DOCK8: variants seen among roughly 807,000 people sequenced by gnomAD.
The protein encoded by DOCK8 is dedicator of cytokinesis 8, also known as dedicator of cytokinesis protein 8.
Under a neutral mutation model 245.6 loss-of-function variants are expected in DOCK8, and 141 were observed. The ratio of observed to expected loss-of-function variants is 0.57; its 90% confidence interval spans 0.50 to 0.66. The LOEUF (loss-of-function observed/expected upper bound fraction) is 0.66. Ranked by LOEUF, DOCK8 falls within the 30% of genes least tolerant of loss-of-function variation. The pLI is 0.00. For missense variants in DOCK8, 2,965 were observed against 2,603.4 expected (o/e 1.14, Z -3.02); for synonymous variants, 1,168 against 970.2 (o/e 1.20, Z -3.79).
At chr9:257,423 A>G (rs1482730930) in intron 1 of DOCK8, among the ~76,000 whole-genome samples, 1 of 152,168 alleles carries the variant, frequency 6.6e-6, no homozygotes, top group Non-Finnish European at 1.5e-5. Flanking sequence ...TAGAGCTGGA[A>G]TTTTTCTGCC....
At chr9:316,979 T>G in intron 6 of DOCK8, 64 bp from the exon 7 acceptor site, 3 of 1,323,524 alleles carry the variant, frequency 2.3e-6, no homozygotes, top group Middle Eastern at 1.8e-4. Flanking sequence ...TTCCCTGGGT[T>G]AACTCTAATT....
chr9:432,347 T>A (rs781605766), intron 37 of DOCK8, 23 bp downstream of exon 37: 1 of 1,613,502 alleles, frequency 6.2e-7, no homozygotes, highest in Admixed American at 1.7e-5. Flanking sequence ...ACATACCTTG[T>A]CTCATGCATG....
At chr9:365,815 C>T (rs768019716) in intron 14 of DOCK8, 48 of 370,380 alleles carry the variant, frequency 1.3e-4, no homozygotes, top group Non-Finnish European at 2.4e-4. Flanking sequence ...TGGAGATGAA[C>T]AGAAGTGAAC....
intron 1 of DOCK8, among the ~76,000 whole-genome samples, chr9:258,352 T>TCCC (rs72543673): frequency 3.3e-5 from 5 of 152,016 alleles, no homozygotes; most frequent in Admixed American, 3.3e-4. Flanking sequence ...GCATGTGGCC[T>TCCC]CTAAATTGGC....
intron 33 of DOCK8, 50 bp from the exon 34 acceptor site, chr9:426,835 C>T: frequency 1.3e-6 from 2 of 1,495,740 alleles, no homozygotes; most frequent in South Asian, 1.1e-5. Context: ...ATCATGGGAA[C>T]CTGGCCAGGT....
At chr9:451,926 TG>T in intron 45 of DOCK8, 84 bp from the exon 46 acceptor site, 1 of 264,368 alleles carries the variant, frequency 3.8e-6, no homozygotes, top group Non-Finnish European at 6.6e-6. Flanking sequence ...TACATATATA[TG>T]TATGTGTATA....
chr9:452,892 T>C (rs953646450), intron 46 of DOCK8: 7 of 152,194 alleles, frequency 4.6e-5, no homozygotes, highest in African/African-American at 1.2e-4. Flanking sequence ...CAGACAGATA[T>C]ATTGGGTCTC....
At chr9:372,073 T>C (rs756719836) in intron 17 of DOCK8, 112 bp from the exon 18 acceptor site, 2 of 919,178 alleles carry the variant, frequency 2.2e-6, no homozygotes, top group Non-Finnish European at 3.4e-6. Context: ...AAAAGAGTAC[T>C]GGTCAATATC....
At chr9:264,898 T>A (rs1348765670) in intron 1 of DOCK8, among the ~76,000 whole-genome samples, 1 of 152,214 alleles carries the variant, frequency 6.6e-6, no homozygotes, top group Non-Finnish European at 1.5e-5. Context: ...AGTCAGTTTT[T>A]CTACATGCAA....
intron 1 of DOCK8, among the ~76,000 whole-genome samples, chr9:263,472 CATT>C (rs1291705536): frequency 1.3e-5 from 2 of 152,108 alleles, no homozygotes; most frequent in African/African-American, 4.8e-5. Context: ...TTAAACTTCA[CATT>C]ATTATCATTA....
chr9:296,620 C>G (rs994239752), intron 4 of DOCK8, among the ~76,000 whole-genome samples: 1 of 152,218 alleles, frequency 6.6e-6, no homozygotes, highest in African/African-American at 2.4e-5. Flanking sequence ...TCAAACACAT[C>G]AGTGCATATA....
chr9:353,459 T>A (rs2052273651), intron 14 of DOCK8, among the ~76,000 whole-genome samples: 1 of 152,184 alleles, frequency 6.6e-6, no homozygotes, highest in Non-Finnish European at 1.5e-5. Flanking sequence ...GGTAGAGAAC[T>A]AATAAAGGAT....
Position 422,131 on chromosome 9 carries a change from G to C in DOCK8, c.4237G>C (p.Asp1413His), listed in dbSNP as rs770909878. 1.9e-6 allele frequency: 3 copies of C among 1,613,888 alleles called. No individual in the cohort carries two copies. Among genetic ancestry groups the C allele is most frequent in the Non-Finnish European group, 2.5e-6 (3 of 1,179,958 alleles). The change falls in exon 33 of 48, where the codon GAT becomes CAT. Residue 1413 changes from aspartate to histidine, a missense_variant. This residue lies in a region of DOCK8 where 2,825 missense variants were observed against 2,453.5 expected (regional missense o/e 1.15). Coordinates refer to ENST00000432829, the MANE Select transcript of DOCK8 (RefSeq NM_203447.4). ...THWRQANEKL[D>H]KTKAELDQEA... ...TTGGCGGCAAGCTAATGAGAAGCTA[G>C]ATAAGTGAGTCACTCGGCAACTTTC...
Position 443,327 on chromosome 9 carries a change from TCTACC to T in DOCK8, c.5491-99_5491-95del, listed in dbSNP as rs2057151374. The T allele has an allele frequency of 8.0e-6, 9 of 1,121,350 alleles. No individual in the cohort carries two copies. The East Asian group carries it at 2.1e-4, about 26-fold the overall frequency. The allele number at this position is 1,121,350 out of a possible 1,614,324, so 69.5% of individuals were successfully genotyped here. On this transcript the variant is annotated intron_variant, in intron 42 of 47. Coordinates refer to ENST00000432829, the MANE Select transcript of DOCK8 (RefSeq NM_203447.4). The stretch of plus-strand genomic sequence containing the variant: ...ACTCTCAATAATCAGTGAACATCAT[TCTACC>T]TTGCACTTGCTCCAAACTTATTTCA...
intron 14 of DOCK8, among the ~76,000 whole-genome samples, chr9:362,245 T>A (rs904567019): frequency 2.6e-5 from 4 of 152,250 alleles, no homozygotes; most frequent in South Asian, 2.1e-4. Context: ...ATACGCATTC[T>A]CATTGTGAAG....
At chr9:461,090 C>G (rs530893731) in intron 46 of DOCK8, among the ~76,000 whole-genome samples, 2 of 152,274 alleles carry the variant, frequency 1.3e-5, no homozygotes, top group African/African-American at 4.8e-5. Flanking sequence ...TGATTTTCTT[C>G]TTTGGTGTGT....
rs759354527 is a variant in DOCK8, at chr9:463,652, G to C, written c.6204G>C (p.Leu2068=). ...RPMIERKIPE[L]YKPIFRVESQ... The stretch of plus-strand genomic sequence containing the variant: ...TGATCGAGCGGAAAATTCCAGAACT[G>C]TACAAGCCAATATTCAGAGTTGAGA... The change falls in exon 47 of 48, where the codon CTG becomes CTC. Residue 2068 remains leucine, a synonymous_variant. Transcript: ENST00000432829. 6.2e-7 allele frequency: 1 copy of C among 1,613,686 alleles called. No homozygotes were observed.
intron 36 of DOCK8, among the ~76,000 whole-genome samples, chr9:431,400 G>A (rs1358135566): frequency 6.6e-6 from 1 of 152,156 alleles, no homozygotes; most frequent in African/African-American, 2.4e-5. Flanking sequence ...ACATTCCTCA[G>A]GGGACCTTGA....
intron 14 of DOCK8, among the ~76,000 whole-genome samples, chr9:354,612 T>G (rs964354247): frequency 6.6e-5 from 10 of 152,234 alleles, no homozygotes; most frequent in African/African-American, 2.2e-4. Flanking sequence ...CAGCCTAGGC[T>G]GCCGTCACCT....
Sources: gnomAD v4.1 joint callset for allele counts (sites outside exome capture counted in the v4.1 genomes callset) on GRCh38, gnomAD v4.1.1 for gene constraint, gnomAD v4.1.1 regional missense constraint, MANE v1.5 for transcripts, NCBI Gene and HGNC (gene_info 2026-07-23, HGNC 2026-07-21) for gene names.